Variants in ZNF100 observed in about 807,000 individuals in gnomAD.
ZNF100 encodes the protein zinc finger protein 100.
Under a neutral mutation model 15.8 loss-of-function variants are expected in ZNF100, and 12 were observed. The observed-to-expected ratio is 0.76, with a 90% confidence interval of 0.49 to 1.23. The LOEUF (loss-of-function observed/expected upper bound fraction) is 1.23. Among genes scored for constraint, ZNF100 ranks in the 50% most tolerant of loss-of-function variants. ZNF100 has a pLI of 0.00. For missense variants in ZNF100, 670 were observed against 635.6 expected, an observed-to-expected ratio of 1.05 and a Z score of -0.58; for synonymous variants, 226 against 214.8, an observed-to-expected ratio of 1.05 and a Z score of -0.45.
intron 4 of ZNF100, among the ~76,000 whole-genome samples, chr19:21,735,170 A>G (rs942029979): frequency 6.6e-6 from 1 of 152,192 alleles, no homozygotes; most frequent in African/African-American, 2.4e-5. Flanking sequence ...AGCTAGCACC[A>G]TGAGAACAGG....
At chr19:21,762,759 A>C (rs1056644528) in intron 2 of ZNF100, among the ~76,000 whole-genome samples, 1 of 152,156 alleles carries the variant, frequency 6.6e-6, no homozygotes, top group South Asian at 2.1e-4. Flanking sequence ...ACCAAAGCAA[A>C]TCCATTTTGA....
chr19:21,754,245 A>C (rs1174085401), intron 2 of ZNF100, among the ~76,000 whole-genome samples: 1 of 152,048 alleles, frequency 6.6e-6, no homozygotes, highest in East Asian at 1.9e-4. Context: ...TCAAAAAAAA[A>C]ACAACAAAAC....
chr19:21,747,088 C>A (rs2036224955), intron 2 of ZNF100, among the ~76,000 whole-genome samples: 1 of 152,134 alleles, frequency 6.6e-6, no homozygotes, highest in Non-Finnish European at 1.5e-5. Context: ...TTTCCTGTCT[C>A]AGGTGCCCTC....
rs112617474 is a variant in ZNF100, at chr19:21,733,764, A to C, written c.323-5775T>G. On this transcript the variant is annotated intron_variant, in intron 4 of 4. Transcript: ENST00000358296. ...TGTGCATCCTGACTGAGTGAGGACCACCCCACCAACAGGCATTGTAAGACA... is the reference window on the plus strand; with the variant it reads ...TGTGCATCCTGACTGAGTGAGGACCCCCCCACCAACAGGCATTGTAAGACA... Among the ~76,000 whole-genome samples the C allele has an allele frequency of 3.3e-4, 11 of 33,412 alleles. No individual in the cohort carries two copies. In the East Asian group the frequency reaches 8.9e-3, roughly 27 times the overall value. 21.9% of individuals were successfully genotyped at this position (33,412 alleles called of 152,430 possible).
intron 4 of ZNF100, among the ~76,000 whole-genome samples, chr19:21,729,762 G>GA (rs1421700408): frequency 6.6e-6 from 1 of 151,768 alleles, no homozygotes. Context: ...ATTTGAAAGT[G>GA]AAAATCAGAG....
chr19:21,749,503 G>T (rs1256729558), intron 2 of ZNF100, among the ~76,000 whole-genome samples: 6 of 152,186 alleles, frequency 3.9e-5, no homozygotes, highest in African/African-American at 1.4e-4. Context: ...ATAGAAAATG[G>T]AACTGCCTTG....
chr19:21,740,375 C>T (rs867709543), intron 4 of ZNF100, among the ~76,000 whole-genome samples: 1 of 152,028 alleles, frequency 6.6e-6, no homozygotes, highest in Non-Finnish European at 1.5e-5. Context: ...AGAAAAAAGT[C>T]ATGACATGGG....
chr19:21,758,204 C>T (rs2036421655), intron 2 of ZNF100, among the ~76,000 whole-genome samples: 1 of 151,900 alleles, frequency 6.6e-6, no homozygotes, highest in African/African-American at 2.4e-5. Flanking sequence ...AAACCAAATG[C>T]ATGTTATCAT....
intron 2 of ZNF100, among the ~76,000 whole-genome samples, chr19:21,759,105 T>G (rs565393763): frequency 1.3e-5 from 2 of 152,294 alleles, no homozygotes; most frequent in South Asian, 4.1e-4. Context: ...TTGCCCTCTT[T>G]GCAGTTGCCA....
At chr19:21,752,603 T>C (rs1043089220) in intron 2 of ZNF100, 1 of 152,634 alleles carries the variant, frequency 6.6e-6, no homozygotes, top group African/African-American at 2.4e-5. Context: ...GGGGTCCATG[T>C]TGCATTTCTT....
chr19:21,735,877 C>G lies in ZNF100; in HGVS notation c.323-7888G>C, dbSNP rs146132320. 5.8e-3 allele frequency among the ~76,000 whole-genome samples: 873 copies of G among 151,666 alleles called. 11 individuals carry two copies. The highest frequency in any genetic ancestry group is 0.02 in the African/African-American group (842 of 41,342). Reference sequence around the variant, plus strand: ...GATCTTGGCTCACTGCAAGCTCTGCCTCCCGGGTTCACACCATTCTCCTGC... The same window carrying G: ...GATCTTGGCTCACTGCAAGCTCTGCGTCCCGGGTTCACACCATTCTCCTGC... On this transcript the variant is annotated intron_variant, in intron 4 of 4. Coordinates refer to ENST00000358296, the MANE Select transcript of ZNF100 (RefSeq NM_173531.4).
intron 1 of ZNF100, 99 bp downstream of exon 1, chr19:21,767,328 G>T: frequency 6.3e-7 from 1 of 1,594,618 alleles, no homozygotes; most frequent in Non-Finnish European, 8.6e-7. Flanking sequence ...AGATTGTGAA[G>T]CTGACTGCGG....
intron 2 of ZNF100, chr19:21,750,980 G>A (rs1051044161): frequency 2.6e-5 from 28 of 1,093,252 alleles, no homozygotes; most frequent in South Asian, 2.0e-4. Context: ...GGTAGCGCCC[G>A]CTTCTGTGGA....
rs774293380 is a variant in ZNF100, at chr19:21,749,901, G to C, written c.97-4834C>G. Among the ~76,000 whole-genome samples the C allele has an allele frequency of 1.2e-4, 19 of 152,200 alleles. 1 individual carries two copies. The South Asian group carries it at 1.5e-3, about 12-fold the overall frequency. ...TTCTGGCCCTGTCTTGTAAATCCTA[G>C]GCAGAGGCCAGACCTTATGTGCAGA... On this transcript the variant is annotated intron_variant, in intron 2 of 4. Transcript: ENST00000358296.
At chr19:21,740,007 G>A (rs974478099) in intron 4 of ZNF100, among the ~76,000 whole-genome samples, 7 of 152,260 alleles carry the variant, frequency 4.6e-5, no homozygotes, top group South Asian at 2.1e-4. Context: ...ATTTTTAAAT[G>A]TGATTGTGAA....
chr19:21,729,584 A>AAAAACAAAAC (rs969014488), intron 4 of ZNF100, among the ~76,000 whole-genome samples: 5 of 152,072 alleles, frequency 3.3e-5, no homozygotes, highest in Non-Finnish European at 7.4e-5. Flanking sequence ...AAGAAAAAAT[A>AAAAACAAAAC]AAAACAAAAC....
intron 4 of ZNF100, among the ~76,000 whole-genome samples, chr19:21,739,751 AC>A (rs1568298045): frequency 6.6e-6 from 1 of 152,172 alleles, no homozygotes; most frequent in Non-Finnish European, 1.5e-5. Context: ...GAGGCAAGAG[AC>A]CTGCTTGAGC....
At position 21,727,761 on chromosome 19, in the gene ZNF100, T is replaced by A; in HGVS notation, c.551A>T (p.Lys184Ile). The A allele has an allele frequency of 1.9e-6, 3 of 1,613,826 alleles. No individual in the cohort carries two copies. The highest frequency in any genetic ancestry group is 2.7e-5 in the African/African-American group (2 of 75,022). The change falls in exon 5 of 5, where the codon AAA becomes ATA. Residue 184 changes from lysine (K) to isoleucine (I), a missense_variant. Coordinates refer to ENST00000358296, the MANE Select transcript of ZNF100 (RefSeq NM_173531.4). ...SNIFQCDPSA[K>I]VFHTFSNSNR... ...TGAATTTGAAAATGTATGAAAGACT[T>A]TTGCAGATGGATCACATTGAAATAT...
chr19:21,767,522 A>C lies in ZNF100; in HGVS notation c.-93T>G. 6.3e-7 allele frequency: 1 copy of C among 1,575,794 alleles called. No individual in the cohort carries two copies. The highest frequency in any genetic ancestry group is 8.7e-7 in the Non-Finnish European group (1 of 1,156,048). On this transcript the variant is annotated 5_prime_UTR_variant, in exon 1 of 5. Coordinates refer to ENST00000358296, the MANE Select transcript of ZNF100 (RefSeq NM_173531.4). ...ACACAGGCTAGGCCCCTAGGAGCAG[A>C]AGACACAGAGAAGTGAGAGCAAAAC...
Sources: gnomAD v4.1 joint callset for allele counts (sites outside exome capture counted in the v4.1 genomes callset) on GRCh38, gnomAD v4.1.1 for gene constraint, MANE v1.5 for transcripts, NCBI Gene and HGNC (gene_info 2026-07-23, HGNC 2026-07-21) for gene names.